Variants in OTUD7A observed in about 807,000 individuals in gnomAD.
OTUD7A encodes the protein OTU domain-containing protein 7A.
In OTUD7A, 12 loss-of-function variants were observed where a neutral mutation model predicts 65.7. That is an observed-to-expected ratio of 0.18 (90% CI 0.12 to 0.30). The LOEUF is 0.30. OTUD7A is among the 10% of genes least tolerant of loss of function. The pLI is 1.00. For missense variants in OTUD7A, 1,148 were observed against 1,304.8 expected (o/e 0.88, Z 1.85); for synonymous variants, 641 against 586.3 (o/e 1.09, Z -1.35).
chr15:31,615,614 C>T (rs1890562607), intron 3 of OTUD7A, among the ~76,000 whole-genome samples: 1 of 152,226 alleles, frequency 6.6e-6, no homozygotes, highest in African/African-American at 2.4e-5. Context: ...ATACAGATCA[C>T]TGCACCAAGA....
At chr15:31,638,320 A>AT (rs1431923792) in intron 3 of OTUD7A, among the ~76,000 whole-genome samples, 4 of 151,698 alleles carry the variant, frequency 2.6e-5, no homozygotes, top group Non-Finnish European at 4.4e-5. Context: ...AGTTATGTAC[A>AT]TTTTTTAGAT....
At chr15:31,636,549 GA>G (rs369951188) in intron 3 of OTUD7A, among the ~76,000 whole-genome samples, 9 of 147,084 alleles carry the variant, frequency 6.1e-5, no homozygotes, top group East Asian at 2.0e-4. Context: ...TGTTCAAATG[GA>G]AAAAAAAAAG....
chr15:31,521,789 A>T (rs2041940829), intron 8 of OTUD7A, among the ~76,000 whole-genome samples: 1 of 152,206 alleles, frequency 6.6e-6, no homozygotes, highest in South Asian at 2.1e-4. Context: ...ATGTGAGAAA[A>T]GTAAGGACCT....
At chr15:31,800,860 G>A (rs540021681) in intron 1 of OTUD7A, among the ~76,000 whole-genome samples, 14 of 152,152 alleles carry the variant, frequency 9.2e-5, no homozygotes, top group African/African-American at 2.4e-4. Context: ...CCATGGCAGC[G>A]TCTACAAACA....
At chr15:31,658,558 C>A (rs1475037488) in intron 1 of OTUD7A, among the ~76,000 whole-genome samples, 3 of 152,130 alleles carry the variant, frequency 2.0e-5, no homozygotes, top group Non-Finnish European at 4.4e-5. Flanking sequence ...CCTGAGCCTT[C>A]CCAGGATCTC....
intron 1 of OTUD7A, among the ~76,000 whole-genome samples, chr15:31,862,563 G>A (rs1897771568): frequency 6.6e-6 from 1 of 152,168 alleles, no homozygotes; most frequent in African/African-American, 2.4e-5. Flanking sequence ...TAAGGAAGAA[G>A]CAAAAGCGGA....
intron 1 of OTUD7A, among the ~76,000 whole-genome samples, chr15:31,867,947 A>T (rs56367847): frequency 0.027 from 4,117 of 152,254 alleles, 176 homozygotes; most frequent in African/African-American, 0.094. Flanking sequence ...ACCGGCGCAC[A>T]CACATGCACC....
chr15:31,571,185 C>A (rs917364539), intron 3 of OTUD7A, among the ~76,000 whole-genome samples: 1 of 151,822 alleles, frequency 6.6e-6, no homozygotes, highest in African/African-American at 2.4e-5. Context: ...TCAATACATA[C>A]AACTATTATG....
At chr15:31,862,682 T>C (rs1453546659) in intron 1 of OTUD7A, among the ~76,000 whole-genome samples, 1 of 152,104 alleles carries the variant, frequency 6.6e-6, no homozygotes, top group African/African-American at 2.4e-5. Context: ...GTCCCTCCCA[T>C]AACATGTGGA....
chr15:31,570,921 G>C (rs1055555705), intron 3 of OTUD7A, among the ~76,000 whole-genome samples: 2 of 152,214 alleles, frequency 1.3e-5, no homozygotes, highest in African/African-American at 4.8e-5. Context: ...CGGCAGGAAG[G>C]AGTATCACAC....
chr15:31,495,534 C>T (rs2141074257), intron 10 of OTUD7A, among the ~76,000 whole-genome samples: 1 of 152,290 alleles, frequency 6.6e-6, no homozygotes, highest in South Asian at 2.1e-4. Flanking sequence ...ACCCCTTAGC[C>T]AGGGGCCTTT....
intron 1 of OTUD7A, among the ~76,000 whole-genome samples, chr15:31,753,251 A>T (rs1894687878): frequency 6.6e-6 from 1 of 152,052 alleles, no homozygotes; most frequent in African/African-American, 2.4e-5. Context: ...CAAACTCCCA[A>T]AAAAAGAAAT....
intron 1 of OTUD7A, among the ~76,000 whole-genome samples, chr15:31,797,071 G>A (rs1009088391): frequency 2.6e-5 from 4 of 152,172 alleles, no homozygotes; most frequent in Non-Finnish European, 4.4e-5. Flanking sequence ...GCATGGGGGT[G>A]CGGGGGGAAG....
chr15:31,795,836 C>T (rs908906481), intron 1 of OTUD7A, among the ~76,000 whole-genome samples: 1 of 152,046 alleles, frequency 6.6e-6, no homozygotes, highest in South Asian at 2.1e-4. Flanking sequence ...AGGAACAGGC[C>T]CATATGTATC....
chr15:31,508,043 G>A (rs1375997937), intron 8 of OTUD7A, among the ~76,000 whole-genome samples: 2 of 152,162 alleles, frequency 1.3e-5, no homozygotes, highest in African/African-American at 2.4e-5. Context: ...TTTTTACAAG[G>A]TATGATAGAG....
intron 1 of OTUD7A, among the ~76,000 whole-genome samples, chr15:31,796,603 A>T (rs543185363): frequency 1.3e-5 from 2 of 152,358 alleles, no homozygotes; most frequent in African/African-American, 4.8e-5. Flanking sequence ...AACAAAATTT[A>T]ATCACCGTGA....
At chr15:31,742,372 T>C (rs940496333) in intron 1 of OTUD7A, among the ~76,000 whole-genome samples, 1 of 152,136 alleles carries the variant, frequency 6.6e-6, no homozygotes, top group African/African-American at 2.4e-5. Context: ...CTACAATATT[T>C]GCCACATCAA....
At chr15:31,830,237 T>C (rs1896897384) in intron 1 of OTUD7A, among the ~76,000 whole-genome samples, 2 of 152,234 alleles carry the variant, frequency 1.3e-5, no homozygotes, top group African/African-American at 4.8e-5. Context: ...TTAAACGTTC[T>C]GTTCATCAAT....
At chr15:31,622,844 T>C (rs1052913956) in intron 3 of OTUD7A, among the ~76,000 whole-genome samples, 2 of 138,222 alleles carry the variant, frequency 1.4e-5, no homozygotes, top group Non-Finnish European at 3.1e-5. Context: ...GGCACTCTGA[T>C]TTTTAGAATT....
Sources: allele counts gnomAD v4.1 joint callset (sites outside exome capture counted in the v4.1 genomes callset), GRCh38; gene constraint gnomAD v4.1.1; transcripts MANE v1.5; gene names NCBI Gene and HGNC (gene_info 2026-07-23, HGNC 2026-07-21).